The following OPCML variants were observed in gnomAD, a reference collection of about 807,000 sequenced individuals.
The protein encoded by OPCML is opioid-binding protein/cell adhesion molecule.
Under a neutral mutation model 37.8 loss-of-function variants are expected in OPCML, and 13 were observed. The ratio of observed to expected loss-of-function variants is 0.34; its 90% confidence interval spans 0.22 to 0.55. The LOEUF (loss-of-function observed/expected upper bound fraction) is 0.55, where lower values mean the gene tolerates loss of function less well. Among genes scored for constraint, OPCML ranks in the 20% least tolerant of loss-of-function variants. The probability of loss-of-function intolerance (pLI) is 0.91; values close to 1 mark genes in which losing one functional copy is unlikely to be tolerated. For missense variants in OPCML, 341 were observed against 435.6 expected (o/e 0.78, Z 1.93); for synonymous variants, 176 against 168.8 (o/e 1.04, Z -0.33).
At chr11:133,153,327 A>C (rs1324460827) in intron 1 of OPCML, among the ~76,000 whole-genome samples, 2 of 152,202 alleles carry the variant, frequency 1.3e-5, no homozygotes, top group Non-Finnish European at 2.9e-5. Context: ...GGAGTCACAG[A>C]GAGGCTGCTC....
chr11:133,254,483 C>A (rs1253477965), intron 1 of OPCML, among the ~76,000 whole-genome samples: 2 of 152,098 alleles, frequency 1.3e-5, no homozygotes, highest in African/African-American at 4.8e-5. Flanking sequence ...CTTCTTCAAC[C>A]CGGGAAGGCA....
chr11:133,184,912 G>A (rs1253288818), intron 1 of OPCML, among the ~76,000 whole-genome samples: 1 of 152,142 alleles, frequency 6.6e-6, no homozygotes, highest in Non-Finnish European at 1.5e-5. Flanking sequence ...GTAATTTCTT[G>A]CACTTCCCTT....
intron 2 of OPCML, among the ~76,000 whole-genome samples, chr11:132,765,118 G>A (rs1398920747): frequency 6.6e-6 from 1 of 152,212 alleles, no homozygotes; most frequent in Non-Finnish European, 1.5e-5. Flanking sequence ...TGATGATGGT[G>A]GTGGCAGGAG....
At chr11:133,218,242 A>G (rs3829259) in intron 1 of OPCML, among the ~76,000 whole-genome samples, 48,250 of 151,858 alleles carry the variant, frequency 0.32, 8,249 homozygotes, top group African/African-American at 0.41. Flanking sequence ...AGAGCTAAAA[A>G]CCAATCTAGG....
chr11:133,093,668 C>T (rs574792349), intron 1 of OPCML, among the ~76,000 whole-genome samples: 1 of 152,214 alleles, frequency 6.6e-6, no homozygotes, highest in East Asian at 1.9e-4. Flanking sequence ...TAGCTTAGAA[C>T]AATACAGGTT....
chr11:132,727,841 G>A (rs1944939844), intron 2 of OPCML, among the ~76,000 whole-genome samples: 1 of 152,282 alleles, frequency 6.6e-6, no homozygotes, highest in Admixed American at 6.5e-5. Context: ...AGAAAGCTAG[G>A]TGTAATATGA....
At chr11:132,582,104 TTGTGTGTGTGTGTGTGTGTG>T (rs145244488) in intron 3 of OPCML, among the ~76,000 whole-genome samples, 32 of 140,506 alleles carry the variant, frequency 2.3e-4, no homozygotes, top group South Asian at 5.0e-4. Flanking sequence ...CACACATACT[TTGTGTGTGTGTGTGTGTGTG>T]TGTGTGTGTG....
intron 3 of OPCML, among the ~76,000 whole-genome samples, chr11:132,558,993 G>A (rs2096404465): frequency 1.3e-5 from 2 of 152,080 alleles, no homozygotes; most frequent in African/African-American, 4.8e-5. Context: ...TCAACTATTT[G>A]ATTGGGAATT....
intron 1 of OPCML, among the ~76,000 whole-genome samples, chr11:133,375,928 T>C (rs1457989623): frequency 1.3e-5 from 2 of 152,198 alleles, no homozygotes; most frequent in Non-Finnish European, 2.9e-5. Flanking sequence ...CTCCTCATTG[T>C]ATCTTAATTC....
chr11:132,773,066 G>A (rs143477951), intron 2 of OPCML: 4 of 152,286 alleles, frequency 2.6e-5, no homozygotes, highest in Non-Finnish European at 5.9e-5. Flanking sequence ...GAGGGGCAGA[G>A]ACCTAGGGAG....
At chr11:132,728,519 C>A (rs911360964) in intron 2 of OPCML, among the ~76,000 whole-genome samples, 2 of 152,082 alleles carry the variant, frequency 1.3e-5, no homozygotes, top group Non-Finnish European at 2.9e-5. Flanking sequence ...CTACTAATTA[C>A]TTTTCTCTCT....
chr11:133,062,727 C>T (rs1416159828), intron 1 of OPCML, among the ~76,000 whole-genome samples: 6 of 152,230 alleles, frequency 3.9e-5, no homozygotes. Context: ...GTTCAGCTTC[C>T]ATCTCCTGTT....
chr11:133,077,044 C>T (rs1192397202), intron 1 of OPCML, among the ~76,000 whole-genome samples: 6 of 152,034 alleles, frequency 3.9e-5, no homozygotes, highest in African/African-American at 1.4e-4. Context: ...GTGGCCGAGG[C>T]CTTGTCCTTG....
chr11:133,096,504 G>C (rs1949006050), intron 1 of OPCML, among the ~76,000 whole-genome samples: 1 of 151,874 alleles, frequency 6.6e-6, no homozygotes, highest in Non-Finnish European at 1.5e-5. Flanking sequence ...ATGCAAAATA[G>C]TGACACATAG....
chr11:133,326,872 TG>T (rs1010982824), intron 1 of OPCML, among the ~76,000 whole-genome samples: 3 of 109,142 alleles, frequency 2.7e-5, no homozygotes, highest in African/African-American at 1.1e-4. Context: ...CGTGTGGGTG[TG>T]GGGGGTGTAT....
intron 2 of OPCML, among the ~76,000 whole-genome samples, chr11:132,793,071 G>A (rs1938041924): frequency 6.6e-6 from 1 of 152,126 alleles, no homozygotes; most frequent in African/African-American, 2.4e-5. Context: ...TGGGGTCCGG[G>A]GCGCCTCCGG....
intron 1 of OPCML, among the ~76,000 whole-genome samples, chr11:133,327,023 T>G (rs1943486837): frequency 8.0e-6 from 1 of 125,080 alleles, no homozygotes; most frequent in Non-Finnish European, 1.7e-5. Flanking sequence ...AGGGTGTGTG[T>G]ATGTGGGTGT....
Position 132,415,321 on chromosome 11 carries a change from TAA to T in OPCML, c.*4870_*4871del, listed in dbSNP as rs1469821199. The T allele has an allele frequency of 1.3e-5, 2 of 152,564 alleles. No homozygotes were observed. Among genetic ancestry groups the T allele is most frequent in the African/African-American group, 4.8e-5 (2 of 41,450 alleles). The allele number at this position is 152,564 out of a possible 1,614,324, so 9.5% of individuals were successfully genotyped here. A position where few individuals can be genotyped will look rare whatever the true frequency, so the allele number is the denominator to read the frequency against. ...GACACAGCTATAACGGCACCATTGA[TAA>T]GTCATAATTTTTTTTTAAATCTAAA... On this transcript the variant is annotated 3_prime_UTR_variant, in exon 8 of 8. Transcript: ENST00000524381.
At chr11:132,603,064 T>C (rs1420346848) in intron 3 of OPCML, among the ~76,000 whole-genome samples, 2 of 152,190 alleles carry the variant, frequency 1.3e-5, no homozygotes, top group African/African-American at 4.8e-5. Context: ...AATTTAGTCT[T>C]TTTCTGAGAG....
Sources: allele counts gnomAD v4.1 joint callset (sites outside exome capture counted in the v4.1 genomes callset), GRCh38; gene constraint gnomAD v4.1.1; transcripts MANE v1.5; gene names NCBI Gene and HGNC (gene_info 2026-07-23, HGNC 2026-07-21).